Variants in PTPRD observed in about 807,000 individuals in gnomAD.
The protein encoded by PTPRD is receptor-type tyrosine-protein phosphatase delta.
PTPRD carries 34 observed loss-of-function variants against 214.5 expected under a neutral mutation model. The observed-to-expected ratio is 0.16, with a 90% CI of 0.12 to 0.21. The LOEUF is 0.21. Ranked by LOEUF, PTPRD falls within the 10% of genes least tolerant of loss-of-function variation. PTPRD has a pLI of 1.00. For synonymous variants in PTPRD, 1,128 were observed against 845.7 expected, an observed-to-expected ratio of 1.33 and a Z score of -5.79; for missense variants, 2,545 against 2,398.7, an observed-to-expected ratio of 1.06 and a Z score of -1.27.
At chr9:10,569,967 G>A (rs1409065225) in intron 2 of PTPRD, among the ~76,000 whole-genome samples, 2 of 151,992 alleles carry the variant, frequency 1.3e-5, no homozygotes, top group South Asian at 2.1e-4. Flanking sequence ...TATATAATAT[G>A]TCTATAAAAT....
At chr9:8,435,388 C>T (rs2095301359) in intron 35 of PTPRD, among the ~76,000 whole-genome samples, 2 of 151,944 alleles carry the variant, frequency 1.3e-5, no homozygotes, top group Admixed American at 6.6e-5. Context: ...TGCAACTGCC[C>T]CAATTAAGGC....
intron 5 of PTPRD, among the ~76,000 whole-genome samples, chr9:9,818,866 A>G (rs1214879017): frequency 6.8e-6 from 1 of 146,770 alleles, no homozygotes; most frequent in African/African-American, 2.6e-5. Context: ...CAGTGAGCCA[A>G]GATTGTGGCA....
intron 21 of PTPRD, among the ~76,000 whole-genome samples, chr9:8,512,515 G>C (rs947145381): frequency 1.3e-5 from 2 of 151,920 alleles, no homozygotes; most frequent in Non-Finnish European, 2.9e-5. Context: ...CTAATGAAAT[G>C]ATTTATAAAC....
At chr9:9,568,591 C>T (rs16929763) in intron 8 of PTPRD, among the ~76,000 whole-genome samples, 4,118 of 151,988 alleles carry the variant, frequency 0.027, 200 homozygotes, top group African/African-American at 0.093. Context: ...ATGCTACTTA[C>T]AACTCACTGA....
At chr9:9,372,966 CA>C (rs1265741621) in intron 9 of PTPRD, among the ~76,000 whole-genome samples, 2 of 152,040 alleles carry the variant, frequency 1.3e-5, no homozygotes, top group Non-Finnish European at 2.9e-5. Context: ...TATTACCCCA[CA>C]AAAAATACCA....
chr9:8,897,310 C>CA (rs58041498), intron 11 of PTPRD, among the ~76,000 whole-genome samples: 33,487 of 151,754 alleles, frequency 0.22, 4,892 homozygotes, highest in African/African-American at 0.4. Flanking sequence ...GAGAAGTTTA[C>CA]AAAGAGATGT....
At chr9:9,576,229 A>G (rs146651525) in intron 7 of PTPRD, among the ~76,000 whole-genome samples, 15 of 152,316 alleles carry the variant, frequency 9.8e-5, no homozygotes, top group African/African-American at 3.6e-4. Context: ...AAGGAATAAT[A>G]CTTCATTCTT....
At chr9:9,621,929 T>C (rs1035803267) in intron 7 of PTPRD, among the ~76,000 whole-genome samples, 2 of 152,172 alleles carry the variant, frequency 1.3e-5, no homozygotes, top group Non-Finnish European at 2.9e-5. Flanking sequence ...CCCCTGCCTA[T>C]AAAGTAAGGC....
chr9:8,379,328 C>T (rs1232212695), intron 37 of PTPRD, among the ~76,000 whole-genome samples: 1 of 152,090 alleles, frequency 6.6e-6, no homozygotes, highest in African/African-American at 2.4e-5. Flanking sequence ...TTTCCCTTTG[C>T]TGGTAAGCAC....
At chr9:10,398,771 G>T (rs1048107203) in intron 2 of PTPRD, among the ~76,000 whole-genome samples, 2 of 151,906 alleles carry the variant, frequency 1.3e-5, no homozygotes, top group African/African-American at 2.4e-5. Context: ...TAATATGGAA[G>T]ACCTTTTCAA....
Position 8,331,776 on chromosome 9 carries a change from C to T in PTPRD, c.5380-40G>A, listed in dbSNP as rs532092305. The T allele has an allele frequency of 4.8e-5, 73 of 1,529,838 alleles. 1 individual carries two copies. Among genetic ancestry groups the T allele is most frequent in the Middle Eastern group, 3.9e-4 (2 of 5,140 alleles). The allele number at this position is 1,529,838 out of a possible 1,614,324, so 94.8% of individuals were successfully genotyped here. ...CCACATACCCGGCCGCAAAGGAAGA[C>T]GCCAGGAGGATTCAGCAAGCATACG... is the stretch of plus-strand genomic sequence containing the variant. On this transcript the variant is annotated intron_variant, in intron 43 of 45. Transcript: ENST00000381196.
At chr9:9,153,852 T>G (rs2099878933) in intron 10 of PTPRD, among the ~76,000 whole-genome samples, 1 of 152,102 alleles carries the variant, frequency 6.6e-6, no homozygotes, top group Non-Finnish European at 1.5e-5. Context: ...CTTCTGATAT[T>G]TTAAGGGACC....
chr9:10,526,777 G>C (rs1181389603), intron 2 of PTPRD, among the ~76,000 whole-genome samples: 2 of 152,096 alleles, frequency 1.3e-5, no homozygotes, highest in African/African-American at 2.4e-5. Flanking sequence ...TAGTGCAGTA[G>C]AGAAGAAGGA....
At chr9:10,211,238 G>C (rs2099515493) in intron 3 of PTPRD, among the ~76,000 whole-genome samples, 1 of 152,026 alleles carries the variant, frequency 6.6e-6, no homozygotes, top group South Asian at 2.1e-4. Context: ...AAAAGCCATT[G>C]ATTTAAGTGC....
intron 11 of PTPRD, among the ~76,000 whole-genome samples, chr9:8,800,617 T>C (rs541372937): frequency 3.1e-4 from 47 of 152,294 alleles, no homozygotes; most frequent in Non-Finnish European, 5.9e-4. Flanking sequence ...AGGGGAAGCA[T>C]GAATAATCCA....
intron 2 of PTPRD, among the ~76,000 whole-genome samples, chr9:10,505,645 C>T (rs1281423971): frequency 6.6e-6 from 1 of 151,594 alleles, no homozygotes; most frequent in Non-Finnish European, 1.5e-5. Context: ...TCCAAAGCCA[C>T]ATCTTTCTCC....
At chr9:8,593,330 T>C (rs1015687428) in intron 14 of PTPRD, among the ~76,000 whole-genome samples, 1 of 152,194 alleles carries the variant, frequency 6.6e-6, no homozygotes, top group African/African-American at 2.4e-5. Flanking sequence ...ATGGTCTCCC[T>C]GGACCATTCA....
At chr9:9,146,352 T>C (rs546624478) in intron 10 of PTPRD, among the ~76,000 whole-genome samples, 11 of 152,186 alleles carry the variant, frequency 7.2e-5, no homozygotes, top group Non-Finnish European at 1.2e-4. Context: ...GCCAGATATG[T>C]CAAAATTTAC....
chr9:9,713,979 G>A (rs1353229325), intron 7 of PTPRD, among the ~76,000 whole-genome samples: 2 of 151,180 alleles, frequency 1.3e-5, no homozygotes, highest in Non-Finnish European at 2.9e-5. Context: ...ACACCAGCAA[G>A]CTGGTTTTTA....
Sources: allele counts gnomAD v4.1 joint callset (sites outside exome capture counted in the v4.1 genomes callset), GRCh38; gene constraint gnomAD v4.1.1; transcripts MANE v1.5; gene names NCBI Gene and HGNC (gene_info 2026-07-23, HGNC 2026-07-21).